MRPS18A: variants seen among roughly 807,000 people sequenced by gnomAD.
MRPS18A encodes the protein mitochondrial ribosomal protein S18A.
MRPS18A carries 20 observed loss-of-function variants against 22.7 expected under a neutral mutation model. The observed-to-expected ratio is 0.88, with a 90% CI of 0.62 to 1.28. MRPS18A has a LOEUF of 1.28. Among genes scored for constraint, MRPS18A ranks in the 50% most tolerant of loss-of-function variants. The pLI is 0.00. For missense variants in MRPS18A, 294 were observed against 262.6 expected (o/e 1.12, Z -0.83); for synonymous variants, 106 against 99.1 (o/e 1.07, Z -0.41).
Position 43,673,732 on chromosome 6 carries a change from C to G in MRPS18A, c.446+1470G>C, listed in dbSNP as rs2127941537. Among the ~76,000 whole-genome samples the G allele has an allele frequency of 6.6e-6, 1 of 152,336 alleles. No individual in the cohort carries two copies. Among genetic ancestry groups the G allele is most frequent in the Non-Finnish European group, 1.5e-5 (1 of 68,030 alleles). ...AGACAAAGCATGGCTCCGCCAGGCC[C>G]CAGCGGAGCCTGGGCCCATGCATGG... On this transcript the variant is annotated intron_variant, in intron 5 of 5. Coordinates refer to ENST00000372133, the MANE Select transcript of MRPS18A (RefSeq NM_018135.4). This position sits in a 1 kb window ranked among gnomAD's most constrained non-coding sequence, Gnocchi z 4.2.
At chr6:43,672,123 A>G in intron 5 of MRPS18A, 1 of 606,346 alleles carries the variant, frequency 1.6e-6, no homozygotes, top group Non-Finnish European at 2.9e-6. Flanking sequence ...CTGTGTGGCC[A>G]GGTTCAGGCA....
At chr6:43,674,184 G>A (rs760581187) in intron 5 of MRPS18A, among the ~76,000 whole-genome samples, 3 of 152,128 alleles carry the variant, frequency 2.0e-5, no homozygotes, top group African/African-American at 7.2e-5. Context: ...GGGACAGAGA[G>A]GCAGGGTACC....
chr6:43,672,519 C>G lies in MRPS18A; in HGVS notation c.447-613G>C, dbSNP rs112706504. The G allele has an allele frequency of 5.6e-3, 2,495 of 442,688 alleles. 10 individuals are homozygous for G. The highest frequency in any genetic ancestry group is 8.2e-3 in the Non-Finnish European group (1,730 of 209,920). The allele number at this position is 442,688 out of a possible 1,614,324, so 27.4% of individuals were successfully genotyped here. A position where few individuals can be genotyped will look rare whatever the true frequency, so the allele number is the denominator to read the frequency against. ...TGGCCTCCTTTGGGGATGGCCAGGGCCCTGATAGTTCCCAGAAAAGTGGCT... is the reference window on the plus strand; with the variant it reads ...TGGCCTCCTTTGGGGATGGCCAGGGGCCTGATAGTTCCCAGAAAAGTGGCT... On this transcript the variant is annotated intron_variant, in intron 5 of 5. Coordinates refer to ENST00000372133, the MANE Select transcript of MRPS18A (RefSeq NM_018135.4).
intron 3 of MRPS18A, among the ~76,000 whole-genome samples, chr6:43,677,519 T>C (rs1774123121): frequency 6.6e-6 from 1 of 152,166 alleles, no homozygotes; most frequent in African/African-American, 2.4e-5. Flanking sequence ...GGGTGTTTCA[T>C]GTCACCTGTG....
chr6:43,672,587 T>C (rs1773800046), intron 5 of MRPS18A: 3 of 344,020 alleles, frequency 8.7e-6, no homozygotes, highest in South Asian at 2.2e-5. Flanking sequence ...AGAATAAAAC[T>C]TGGATCCTGT....
intron 1 of MRPS18A, among the ~76,000 whole-genome samples, chr6:43,685,324 T>G (rs1774633975): frequency 6.6e-6 from 1 of 152,244 alleles, no homozygotes; most frequent in Non-Finnish European, 1.5e-5. Flanking sequence ...ATAATAACCT[T>G]TTTTTGGCTT....
At chr6:43,672,703 C>A in intron 5 of MRPS18A, 1 of 187,398 alleles carries the variant, frequency 5.3e-6, no homozygotes, top group South Asian at 8.8e-5. Flanking sequence ...TCTCTAGAGA[C>A]CATCAAAGAA....
chr6:43,680,345 C>T (rs996989654), intron 2 of MRPS18A, among the ~76,000 whole-genome samples: 4 of 152,108 alleles, frequency 2.6e-5, no homozygotes, highest in African/African-American at 9.7e-5. Flanking sequence ...AATAAGACTG[C>T]CTTGGGGAGG....
chr6:43,680,203 C>T (rs1774314287), intron 2 of MRPS18A, among the ~76,000 whole-genome samples: 1 of 151,962 alleles, frequency 6.6e-6, no homozygotes, highest in Non-Finnish European at 1.5e-5. Flanking sequence ...CTTGTTTTGG[C>T]TTTGAATCAA....
intron 5 of MRPS18A, among the ~76,000 whole-genome samples, chr6:43,674,229 C>A (rs899778226): frequency 1.3e-5 from 2 of 152,118 alleles, no homozygotes; most frequent in South Asian, 2.1e-4. Flanking sequence ...TCCCACACCC[C>A]CTACCCTCCA....
intron 1 of MRPS18A, among the ~76,000 whole-genome samples, chr6:43,686,316 T>A (rs1299123011): frequency 6.6e-6 from 1 of 151,956 alleles, no homozygotes; most frequent in African/African-American, 2.4e-5. Context: ...ATGCCTATTT[T>A]GCAGCATGGG....
chr6:43,674,908 T>G (rs561444933), intron 5 of MRPS18A, among the ~76,000 whole-genome samples: 100 of 152,270 alleles, frequency 6.6e-4, no homozygotes, highest in African/African-American at 2.3e-3. Context: ...ACTGAAAATT[T>G]GTAGTACTGA....
rs777667446 is a variant in MRPS18A, at chr6:43,675,165, CA to C, written c.446+36del. The C allele has an allele frequency of 4.7e-6, 7 of 1,482,944 alleles. No individual in the cohort carries two copies. The African/African-American group carries it at 8.5e-5, about 18-fold the overall frequency. The allele number at this position is 1,482,944 out of a possible 1,614,324, so 91.9% of individuals were successfully genotyped here. A position where few individuals can be genotyped will look rare whatever the true frequency, so the allele number is the denominator to read the frequency against. On this transcript the variant is annotated intron_variant, in intron 5 of 5. Coordinates refer to ENST00000372133, the MANE Select transcript of MRPS18A (RefSeq NM_018135.4). ...AGGTGCACCCTAGTTTTCCTGAGCG[CA>C]GAACGCTCAGGTTGTTCACACCCAG...
rs1773721062 is a variant in MRPS18A at position 43,671,889 on chromosome 6, G to A, written c.464C>T (p.Ala155Val). The change falls in exon 6 of 6, where the codon GCT becomes GTT. Residue 155 changes from alanine (A) to valine (V), a missense_variant. Coordinates refer to ENST00000372133, the MANE Select transcript of MRPS18A (RefSeq NM_018135.4). Reference protein sequence around the residue: ...PQLNRYLTRWAPGSVKPIYKK... With the variant: ...PQLNRYLTRWVPGSVKPIYKK... Reference sequence around the variant, plus strand: ...GTAGATGGGCTTGACGGAGCCAGGAGCCCAGCGCGTCAGGTACCTGTGGAG... The same window carrying A: ...GTAGATGGGCTTGACGGAGCCAGGAACCCAGCGCGTCAGGTACCTGTGGAG... The A allele has an allele frequency of 6.2e-7, 1 of 1,611,658 alleles. No individual in the cohort carries two copies. The highest frequency in any genetic ancestry group is 8.5e-7 in the Non-Finnish European group (1 of 1,178,768).
At chr6:43,677,161 G>A (rs1010312346) in intron 3 of MRPS18A, among the ~76,000 whole-genome samples, 1 of 152,192 alleles carries the variant, frequency 6.6e-6, no homozygotes, top group Non-Finnish European at 1.5e-5. Context: ...TCTATCAGCA[G>A]CTGAGGTTCC....
At position 43,675,511 on chromosome 6, in the gene MRPS18A, T is replaced by C; in HGVS notation, c.359A>G (p.Lys120Arg). ...EEHRKIEECV[K>R]MAHRAGLLPN... ...CCTTCTACCTGCTCGGTGGGCCATC[T>C]TCACACACTCCTCGATCTTGCGGTG... Residue 120 changes from lysine to arginine, a missense_variant, in exon 4 of 6, where the codon AAG becomes AGG. Coordinates refer to ENST00000372133, the MANE Select transcript of MRPS18A (RefSeq NM_018135.4). The C allele has an allele frequency of 2.5e-6, 4 of 1,614,202 alleles. No individual in the cohort carries two copies. Among genetic ancestry groups the C allele is most frequent in the Non-Finnish European group, 2.5e-6 (3 of 1,180,040 alleles).
intron 1 of MRPS18A, among the ~76,000 whole-genome samples, chr6:43,687,259 G>T (rs1278957561): frequency 1.3e-5 from 2 of 152,216 alleles, no homozygotes; most frequent in Non-Finnish European, 2.9e-5. Context: ...TTTGAGAAGG[G>T]AAAGTGGAAA....
At chr6:43,687,486 G>A (rs915257203) in intron 1 of MRPS18A, among the ~76,000 whole-genome samples, 182 bp downstream of exon 1, 3 of 152,130 alleles carry the variant, frequency 2.0e-5, no homozygotes, top group Admixed American at 6.5e-5. Flanking sequence ...ACTCACAAGG[G>A]GCAGGAGATC....
In MRPS18A at chr6:43,671,756, T is replaced by C. The variant is rs1773708328; in HGVS notation, c.*6A>G. ...GCAGGAGGAACTCTGGAAGCACTGC[T>C]CTCTGTCAGTGATACAGCTTCCAAG... On this transcript the variant is annotated 3_prime_UTR_variant, in exon 6 of 6. Coordinates refer to ENST00000372133, the MANE Select transcript of MRPS18A (RefSeq NM_018135.4). The C allele has an allele frequency of 6.2e-7, 1 of 1,614,132 alleles. No homozygotes were observed. The highest frequency in any genetic ancestry group is 8.5e-7 in the Non-Finnish European group (1 of 1,180,014).
Sources: allele counts gnomAD v4.1 joint callset (sites outside exome capture counted in the v4.1 genomes callset), GRCh38; gene constraint gnomAD v4.1.1; non-coding constraint Gnocchi (gnomAD v3.1); transcripts MANE v1.5; gene names NCBI Gene and HGNC (gene_info 2026-07-23, HGNC 2026-07-21).